Variants in ANK2 observed in about 807,000 individuals in gnomAD.
ANK2 encodes the protein ankyrin-2.
In ANK2, 83 loss-of-function variants were observed where a neutral mutation model predicts 360.5. That is an observed-to-expected ratio of 0.23 (90% CI 0.19 to 0.28). The LOEUF (loss-of-function observed/expected upper bound fraction) is 0.28, where lower values mean the gene tolerates loss of function less well. ANK2 is among the 10% of genes least tolerant of loss of function. ANK2 has a pLI of 1.00. For synonymous variants in ANK2, 1,740 were observed against 1,759.5 expected, an observed-to-expected ratio of 0.99 and a Z score of 0.28; for missense variants, 4,201 against 4,795.7, an observed-to-expected ratio of 0.88 and a Z score of 3.66.
intron 1 of ANK2, among the ~76,000 whole-genome samples, chr4:112,860,319 C>T (rs925519149): frequency 2.6e-5 from 4 of 152,048 alleles, no homozygotes; most frequent in Non-Finnish European, 4.4e-5. Flanking sequence ...CTCCGCCTCC[C>T]GGGTTCAAGC....
Position 113,259,935 on chromosome 4 carries a change from G to A in ANK2, c.1386+1524G>A, listed in dbSNP as rs906910540. On this transcript the variant is annotated intron_variant, in intron 13 of 45. Transcript: ENST00000357077. ...ACAAGCAAACAAACAAAAAACCGCT[G>A]TGTTCTTGCCCGCCTTTTCCTTTTT... 5.9e-5 allele frequency among the ~76,000 whole-genome samples: 9 copies of A among 151,826 alleles called. 1 individual carries two copies. Among genetic ancestry groups the A allele is most frequent in the Admixed American group, 4.6e-4 (7 of 15,258 alleles).
chr4:113,341,652 T>C (rs2094318141), intron 32 of ANK2, 36 bp from the exon 33 acceptor site: 2 of 1,602,826 alleles, frequency 1.2e-6, no homozygotes, highest in African/African-American at 2.7e-5. Context: ...TGGTATACTT[T>C]GAACTTTAGA....
chr4:113,304,169 A>G (rs193149433), intron 23 of ANK2, among the ~76,000 whole-genome samples: 23 of 152,318 alleles, frequency 1.5e-4, no homozygotes, highest in Non-Finnish European at 2.6e-4. Flanking sequence ...CTATATGCAT[A>G]TCATATTTTG....
chr4:113,381,393 A>G, intron 45 of ANK2, 64 bp from the exon 46 acceptor site: 2 of 1,586,202 alleles, frequency 1.3e-6, no homozygotes, highest in Non-Finnish European at 1.7e-6. Context: ...GGTCACCTTC[A>G]TTCCTAACAG....
the ANK2 span, among the ~76,000 whole-genome samples, chr4:112,795,316 C>T: frequency 2.6e-5 from 4 of 152,168 alleles, no homozygotes; most frequent in East Asian, 7.7e-4. Flanking sequence ...AGAGACTTGA[C>T]ATGATGATAA....
chr4:113,320,812 T>C (rs576941464), intron 26 of ANK2, among the ~76,000 whole-genome samples: 1 of 152,234 alleles, frequency 6.6e-6, no homozygotes, highest in Non-Finnish European at 1.5e-5. Flanking sequence ...AAGGCTTTGG[T>C]TATTAGAGAG....
At chr4:112,864,746 A>G (rs1475192988) in intron 1 of ANK2, among the ~76,000 whole-genome samples, 1 of 151,740 alleles carries the variant, frequency 6.6e-6, no homozygotes, top group African/African-American at 2.4e-5. Context: ...TTAAGAGTAG[A>G]AACCAGCCGG....
chr4:113,288,072 C>A (rs1401641467), intron 19 of ANK2, among the ~76,000 whole-genome samples: 2 of 152,130 alleles, frequency 1.3e-5, no homozygotes, highest in Non-Finnish European at 2.9e-5. Flanking sequence ...AAATTCTTAC[C>A]CATTCTTTAA....
chr4:113,038,943 C>T (rs534522208), intron 2 of ANK2, among the ~76,000 whole-genome samples: 92 of 152,154 alleles, frequency 6.0e-4, no homozygotes, highest in African/African-American at 2.1e-3. Context: ...CAGAATGAAT[C>T]AGCCAGGTGA....
At chr4:113,271,474 G>T (rs202226520) in intron 14 of ANK2, among the ~76,000 whole-genome samples, 2 of 79,622 alleles carry the variant, frequency 2.5e-5, no homozygotes, top group African/African-American at 1.1e-4. Flanking sequence ...GCACATGCAC[G>T]CACAGACACA....
chr4:112,754,824 G>T, the ANK2 span, among the ~76,000 whole-genome samples: 2 of 152,266 alleles, frequency 1.3e-5, no homozygotes, highest in African/African-American at 4.8e-5. Flanking sequence ...GTAAAGACAA[G>T]AGTAGAGATT....
the ANK2 span, among the ~76,000 whole-genome samples, chr4:112,758,077 A>AT: frequency 9.4e-5 from 14 of 149,544 alleles, no homozygotes; most frequent in Middle Eastern, 3.5e-3. Context: ...CTAATTTTGT[A>AT]TTTTTTTTTT....
rs1060501162 is a variant in ANK2, at chr4:113,292,418, C to T, written c.2280C>T (p.Asn760=). 6 of 1,609,110 alleles carry T rather than the reference C, an allele frequency of 3.7e-6. No individual in the cohort carries two copies. The highest frequency in any genetic ancestry group is 2.7e-5 in the African/African-American group (2 of 74,908). ...CCCGCCACCACTGTCCTCCACAGAACGGCTACACGCCTTTGCACCAGGCCG... is the reference window on the plus strand; with the variant it reads ...CCCGCCACCACTGTCCTCCACAGAATGGCTACACGCCTTTGCACCAGGCCG... ...QGANVNAKTK[N]GYTPLHQAAQ... Residue 760 remains asparagine, a splice_region_variant and synonymous_variant, in exon 21 of 46, where the codon AAC becomes AAT. Coordinates refer to ENST00000357077, the MANE Select transcript of ANK2 (RefSeq NM_001148.6).
In ANK2 at chr4:113,317,480, T is replaced by C. The variant is rs149005872; in HGVS notation, c.2694-227T>C. ...AGATTAGGAGTATCAAATTTTAACT[T>C]CTGGATTCCCTTGTGCTCTTGCCAT... On this transcript the variant is annotated intron_variant, in intron 24 of 45. Transcript: ENST00000357077. The C allele has an allele frequency of 1.6e-3, 884 of 562,920 alleles. 3 individuals carry two copies. Among genetic ancestry groups the C allele is most frequent in the African/African-American group, 0.015 (784 of 53,306 alleles). The allele number at this position is 562,920 out of a possible 1,614,324, so 34.9% of individuals were successfully genotyped here. A position where few individuals can be genotyped will look rare whatever the true frequency, so the allele number is the denominator to read the frequency against.
chr4:112,985,702 G>C (rs2044598323), intron 2 of ANK2, among the ~76,000 whole-genome samples: 1 of 152,132 alleles, frequency 6.6e-6, no homozygotes, highest in Non-Finnish European at 1.5e-5. Context: ...CCTTATTCAA[G>C]TTTTTGGGTA....
intron 29 of ANK2, 79 bp from the exon 30 acceptor site, chr4:113,335,767 C>A (rs905551403): frequency 1.4e-6 from 2 of 1,410,364 alleles, no homozygotes; most frequent in Non-Finnish European, 2.0e-6. Flanking sequence ...CATTATTAAC[C>A]GAGCGAATGA....
chr4:112,869,673 G>T (rs1025844004), intron 1 of ANK2, among the ~76,000 whole-genome samples: 6 of 151,628 alleles, frequency 4.0e-5, no homozygotes, highest in Non-Finnish European at 7.3e-5. Flanking sequence ...TTGTGCTTAT[G>T]ATTATTATGA....
the ANK2 span, among the ~76,000 whole-genome samples, chr4:112,721,268 G>C: frequency 6.6e-6 from 1 of 152,086 alleles, no homozygotes; most frequent in African/African-American, 2.4e-5. Context: ...AGCCGGGCAT[G>C]GTAGCTCACA....
At chr4:113,263,630 A>G (rs980364763) in intron 13 of ANK2, among the ~76,000 whole-genome samples, 1 of 152,256 alleles carries the variant, frequency 6.6e-6, no homozygotes, top group Non-Finnish European at 1.5e-5. Context: ...TTTGTTGTAC[A>G]AGGAATCAGA....
Sources: gnomAD v4.1 joint callset for allele counts (sites outside exome capture counted in the v4.1 genomes callset) on GRCh38, gnomAD v4.1.1 for gene constraint, MANE v1.5 for transcripts, NCBI Gene and HGNC (gene_info 2026-07-23, HGNC 2026-07-21) for gene names.